Variants in INPP5A observed in about 807,000 individuals in gnomAD.
INPP5A encodes the protein 43 kDa inositol polyphosphate 5-phophatase.
In INPP5A, 14 loss-of-function variants were observed where a neutral mutation model predicts 65.2. The observed-to-expected ratio is 0.21, with a 90% CI of 0.14 to 0.34. The LOEUF is 0.34. Ranked by LOEUF, INPP5A falls within the 10% of genes least tolerant of loss-of-function variation. The pLI is 1.00. For synonymous variants in INPP5A, 207 were observed against 208.3 expected (o/e 0.99, Z 0.05); for missense variants, 431 against 545.6 (o/e 0.79, Z 2.09).
chr10:132,755,107 G>C (rs1489543481), intron 11 of INPP5A, among the ~76,000 whole-genome samples: 3 of 152,036 alleles, frequency 2.0e-5, no homozygotes, highest in Admixed American at 2.0e-4. Flanking sequence ...GCAGGCAAGT[G>C]TGTGAGCTGG....
rs145244561 is a variant in INPP5A at position 132,598,069 on chromosome 10, G to A, written c.76-9846G>A. On this transcript the variant is annotated intron_variant, in intron 1 of 15. Coordinates refer to ENST00000368594, the MANE Select transcript of INPP5A (RefSeq NM_005539.5). ...TCAATTGCAGTTTTTGTTTGATTTC[G>A]CTTGGGCGTCTGGGACCTACCCTTC... is the stretch of plus-strand genomic sequence containing the variant. Among the ~76,000 whole-genome samples, 837 of 152,322 alleles carry A rather than the reference G, an allele frequency of 5.5e-3. 8 individuals are homozygous for A. Among genetic ancestry groups the A allele is most frequent in the Middle Eastern group, 6.8e-3 (2 of 294 alleles).
At chr10:132,632,870 C>T (rs1419958985) in intron 2 of INPP5A, among the ~76,000 whole-genome samples, 2 of 152,182 alleles carry the variant, frequency 1.3e-5, no homozygotes, top group African/African-American at 2.4e-5. Flanking sequence ...GGTGCCTTGC[C>T]GAGCACCTCT....
intron 8 of INPP5A, 37 bp from the exon 9 acceptor site, chr10:132,726,784 C>T (rs1845992945): frequency 6.6e-7 from 1 of 1,508,724 alleles, no homozygotes; most frequent in Non-Finnish European, 9.1e-7. Flanking sequence ...TGGCCGGCTT[C>T]AGCGCCCTCG....
chr10:132,593,964 G>A (rs1484605061), intron 1 of INPP5A, among the ~76,000 whole-genome samples: 1 of 152,154 alleles, frequency 6.6e-6, no homozygotes, highest in Non-Finnish European at 1.5e-5. Context: ...TGTATTAGCA[G>A]TTTTCCTAAC....
Position 132,541,410 on chromosome 10 carries a change from G to A in INPP5A, c.75+3239G>A, listed in dbSNP as rs1686230195. ...TACTCCATCTTTGTGACCCCAGATT[G>A]GCCATGCTGCGGGCTGCGGGGCTGT... On this transcript the variant is annotated intron_variant, in intron 1 of 15. Coordinates refer to ENST00000368594, the MANE Select transcript of INPP5A (RefSeq NM_005539.5). Among the ~76,000 whole-genome samples, 5 of 152,334 alleles carry A rather than the reference G, an allele frequency of 3.3e-5. No individual in the cohort carries two copies. The South Asian group carries it at 1.0e-3, about 32-fold the overall frequency.
At chr10:132,701,261 C>T (rs537604236) in intron 6 of INPP5A, among the ~76,000 whole-genome samples, 53 of 152,328 alleles carry the variant, frequency 3.5e-4, no homozygotes, top group Middle Eastern at 6.8e-3. Flanking sequence ...CCCACCCCCA[C>T]GGGATGTGGG....
At chr10:132,712,608 G>A (rs1845662922) in intron 8 of INPP5A, among the ~76,000 whole-genome samples, 1 of 151,284 alleles carries the variant, frequency 6.6e-6, no homozygotes, top group African/African-American at 2.5e-5. Context: ...GCGCGGGTGT[G>A]TGGGTGCATG....
In INPP5A at chr10:132,710,350, G is replaced by A; in HGVS notation, c.541G>A (p.Val181Met). The A allele has an allele frequency of 6.2e-7, 1 of 1,614,148 alleles. No homozygotes were observed. The highest frequency in any genetic ancestry group is 8.5e-7 in the Non-Finnish European group (1 of 1,180,030). The change falls in exon 8 of 16, where the codon GTG becomes ATG. Residue 181 changes from valine to methionine, a missense_variant. By Grantham distance (21) the Val-to-Met change is conservative. Transcript: ENST00000368594. ...TTTTGGTTGCAGTGCCTTTGACTTG[G>A]TGAATATCCATCTTTTCCATGATGC... Reference protein sequence around the residue: ...WCIADCAFDLVNIHLFHDASN... With the variant: ...WCIADCAFDLMNIHLFHDASN...
chr10:132,609,743 C>T (rs1278019315), intron 2 of INPP5A, among the ~76,000 whole-genome samples: 3 of 152,336 alleles, frequency 2.0e-5, no homozygotes, highest in South Asian at 2.1e-4. Flanking sequence ...CTCCCGGGTT[C>T]ACGCCATTCT....
chr10:132,588,773 G>A (rs1284463908), intron 1 of INPP5A, among the ~76,000 whole-genome samples: 4 of 152,216 alleles, frequency 2.6e-5, no homozygotes, highest in African/African-American at 9.7e-5. Flanking sequence ...GGTGGTTGCC[G>A]TTTCTTGGAG....
At chr10:132,577,768 G>A (rs1317590688) in intron 1 of INPP5A, among the ~76,000 whole-genome samples, 1 of 152,214 alleles carries the variant, frequency 6.6e-6, no homozygotes, top group African/African-American at 2.4e-5. Context: ...GCGGTGGTTC[G>A]TGGCCTCCTA....
In INPP5A at chr10:132,741,386, G is replaced by A. The variant is rs555944017; in HGVS notation, c.733-8131G>A. The stretch of plus-strand genomic sequence containing the variant: ...GGTTGGTCTCAGTCTGGTTCCTGCT[G>A]GACAAACACTGCAGGTTCACACCAC... On this transcript the variant is annotated intron_variant, in intron 9 of 15. Transcript: ENST00000368594. This position sits in a 1 kb window ranked among gnomAD's most constrained non-coding sequence, Gnocchi z 4.4. Among the ~76,000 whole-genome samples the A allele has an allele frequency of 5.3e-5, 8 of 152,340 alleles. No homozygotes were observed. In the South Asian group the frequency reaches 1.4e-3, roughly 28 times the overall value.
At chr10:132,553,944 G>A (rs1020436926) in intron 1 of INPP5A, among the ~76,000 whole-genome samples, 1 of 150,960 alleles carries the variant, frequency 6.6e-6, no homozygotes, top group Admixed American at 6.6e-5. Context: ...GGGTAGGATA[G>A]GGAGGGAGGA....
Position 132,650,535 on chromosome 10 carries a change from G to C in INPP5A, c.306+30G>C, listed in dbSNP as rs749760742. Reference sequence around the variant, plus strand: ...GTCCCTCCCGCTGCCTGGTGCAGGGGTCAGACAGGCTGGCCTTGGCAGAAG... The same window carrying C: ...GTCCCTCCCGCTGCCTGGTGCAGGGCTCAGACAGGCTGGCCTTGGCAGAAG... On this transcript the variant is annotated intron_variant, in intron 4 of 15. Coordinates refer to ENST00000368594, the MANE Select transcript of INPP5A (RefSeq NM_005539.5). The surrounding 1 kb of genome is among the most constrained non-coding windows in gnomAD (Gnocchi z 5.5). 143 of 1,523,922 alleles carry C rather than the reference G, an allele frequency of 9.4e-5. No homozygotes were observed. Among genetic ancestry groups the C allele is most frequent in the Non-Finnish European group, 1.3e-4 (142 of 1,100,022 alleles). The allele number at this position is 1,523,922 out of a possible 1,614,324, so 94.4% of individuals were successfully genotyped here.
At position 132,777,754 on chromosome 10, in the gene INPP5A, C is replaced by G; in HGVS notation, c.1061C>G (p.Ser354Cys). 1 of 1,613,124 alleles carries G rather than the reference C, an allele frequency of 6.2e-7. No individual in the cohort carries two copies. The highest frequency in any genetic ancestry group is 8.5e-7 in the Non-Finnish European group (1 of 1,179,990). The change falls in exon 13 of 16, where the codon TCC becomes TGC. Residue 354 changes from serine to cysteine, a missense_variant. By Grantham distance (112) the Ser-to-Cys change is moderately radical. Transcript: ENST00000368594. ...GCCTGGTGTGACCGCATCCTCATGT[C>G]CCCGTCTGCCAAGGAGCTGGTGCTG... ...CPAWCDRILMSPSAKELVLRS... is the reference protein window; with the variant it reads ...CPAWCDRILMCPSAKELVLRS...
At position 132,587,561 on chromosome 10, in the gene INPP5A, A is replaced by G. The variant is rs61861459; in HGVS notation, c.76-20354A>G. ...GGGAGCAGGCGAAATTTCTGGGCCA[A>G]TGTTTAAACCTGCCTGAACTCCAGC... On this transcript the variant is annotated intron_variant, in intron 1 of 15. Coordinates refer to ENST00000368594, the MANE Select transcript of INPP5A (RefSeq NM_005539.5). The surrounding 1 kb of genome is among the most constrained non-coding windows in gnomAD (Gnocchi z 4.3). 5.0e-4 allele frequency among the ~76,000 whole-genome samples: 76 copies of G among 152,316 alleles called. No individual in the cohort carries two copies. Among genetic ancestry groups the G allele is most frequent in the Non-Finnish European group, 6.9e-4 (47 of 68,020 alleles).
chr10:132,604,892 G>T (rs1233456413), intron 1 of INPP5A, among the ~76,000 whole-genome samples: 6 of 152,214 alleles, frequency 3.9e-5, no homozygotes, highest in Admixed American at 3.9e-4. Context: ...AGGACCAAAT[G>T]TCTGAGACTC....
At chr10:132,594,816 C>T (rs910297661) in intron 1 of INPP5A, among the ~76,000 whole-genome samples, 2 of 152,122 alleles carry the variant, frequency 1.3e-5, no homozygotes, top group Non-Finnish European at 2.9e-5. Flanking sequence ...TAGGCGGTCC[C>T]CCTGCCAGCC....
rs151326184 is a variant in INPP5A at position 132,724,644 on chromosome 10, T to C, written c.648-2177T>C. The stretch of plus-strand genomic sequence containing the variant: ...ATTCACCGCAGATGGGGGTTACTCA[T>C]TCTCCAGAACTCACAGGGAGGCCCC... On this transcript the variant is annotated intron_variant, in intron 8 of 15. Transcript: ENST00000368594. 4.1e-3 allele frequency among the ~76,000 whole-genome samples: 533 copies of C among 130,116 alleles called. 2 individuals are homozygous for C. The highest frequency in any genetic ancestry group is 6.8e-3 in the Non-Finnish European group (416 of 61,002). 85.4% of individuals were successfully genotyped at this position (130,116 alleles called of 152,430 possible). A position where few individuals can be genotyped will look rare whatever the true frequency, so the allele number is the denominator to read the frequency against.
Sources: allele counts gnomAD v4.1 joint callset (sites outside exome capture counted in the v4.1 genomes callset), GRCh38; gene constraint gnomAD v4.1.1; non-coding constraint Gnocchi (gnomAD v3.1); transcripts MANE v1.5; gene names NCBI Gene and HGNC (gene_info 2026-07-23, HGNC 2026-07-21).